Variants in CACHD1 observed in about 807,000 individuals in gnomAD.
CACHD1 encodes the protein cache domain containing 1, also known as VWFA and cache domain-containing protein 1.
CACHD1 carries 71 observed loss-of-function variants against 138.7 expected under a neutral mutation model. The ratio of observed to expected loss-of-function variants is 0.51; its 90% CI spans 0.42 to 0.62. The LOEUF (loss-of-function observed/expected upper bound fraction) is 0.62. CACHD1 is among the 20% of genes least tolerant of loss of function. CACHD1 has a pLI of 0.00. For synonymous variants in CACHD1, 578 were observed against 591.5 expected, an observed-to-expected ratio of 0.98 and a Z score of 0.33; for missense variants, 1,389 against 1,625.3, an observed-to-expected ratio of 0.85 and a Z score of 2.50.
At chr1:64,682,156 C>A (rs1361736933) in intron 26 of CACHD1, 50 bp downstream of exon 26, 1 of 1,501,578 alleles carries the variant, frequency 6.7e-7, no homozygotes, top group African/African-American at 1.4e-5. Flanking sequence ...TCATGTACTC[C>A]TGTGGGATGA....
intron 24 of CACHD1, 97 bp downstream of exon 24, chr1:64,679,853 A>G (rs1026539966): frequency 3.0e-6 from 4 of 1,354,938 alleles, no homozygotes; most frequent in Middle Eastern, 2.7e-4. Flanking sequence ...GAACAGTGCT[A>G]TACTTTCAGC....
intron 4 of CACHD1, among the ~76,000 whole-genome samples, chr1:64,620,653 A>G (rs1647879631): frequency 1.3e-5 from 2 of 152,152 alleles, no homozygotes; most frequent in South Asian, 4.1e-4. Context: ...ACTCATCATG[A>G]TTTCCAAATC....
intron 3 of CACHD1, among the ~76,000 whole-genome samples, chr1:64,585,104 GATTA>G (rs1272666854): frequency 1.3e-5 from 2 of 152,204 alleles, no homozygotes; most frequent in Admixed American, 6.5e-5. Flanking sequence ...AGCAATAGAG[GATTA>G]GTTAGGAAAA....
At chr1:64,480,330 C>T (rs1364122166) in intron 1 of CACHD1, among the ~76,000 whole-genome samples, 2 of 152,172 alleles carry the variant, frequency 1.3e-5, no homozygotes, top group African/African-American at 4.8e-5. Flanking sequence ...GTTTTAGACT[C>T]TTGTTTTTTG....
chr1:64,685,953 C>T (rs140989159), intron 26 of CACHD1, among the ~76,000 whole-genome samples: 5 of 152,208 alleles, frequency 3.3e-5, no homozygotes, highest in African/African-American at 1.2e-4. Flanking sequence ...CCTCTGTGCC[C>T]ACCCTGCCCT....
At chr1:64,682,477 C>G (rs903235609) in intron 26 of CACHD1, among the ~76,000 whole-genome samples, 17 of 152,154 alleles carry the variant, frequency 1.1e-4, no homozygotes, top group African/African-American at 4.1e-4. Context: ...GTGCTGTCCT[C>G]CAGCATTCTC....
intron 1 of CACHD1, among the ~76,000 whole-genome samples, chr1:64,480,886 C>CTTTTTTTTTTT (rs530847374): frequency 4.3e-5 from 6 of 140,588 alleles, no homozygotes; most frequent in African/African-American, 1.6e-4. Flanking sequence ...CTCTCTCTCC[C>CTTTTTTTTTTT]TTTTTTTTTT....
intron 7 of CACHD1, among the ~76,000 whole-genome samples, chr1:64,636,202 C>T (rs1166009504): frequency 6.6e-6 from 1 of 152,108 alleles, no homozygotes; most frequent in Admixed American, 6.5e-5. Flanking sequence ...CATTTCCAAG[C>T]CCTTCATTGT....
chr1:64,476,766 T>C (rs1185675194), intron 1 of CACHD1, among the ~76,000 whole-genome samples: 4 of 152,206 alleles, frequency 2.6e-5, no homozygotes, highest in Non-Finnish European at 5.9e-5. Context: ...ATTATGTTTT[T>C]CCTGCCAATA....
chr1:64,561,247 A>G (rs561876545), intron 2 of CACHD1, among the ~76,000 whole-genome samples: 1 of 151,952 alleles, frequency 6.6e-6, no homozygotes, highest in African/African-American at 2.4e-5. Flanking sequence ...TTCACACAAA[A>G]TCTAAAACCC....
At chr1:64,555,829 T>A (rs967591690) in intron 2 of CACHD1, among the ~76,000 whole-genome samples, 4 of 152,236 alleles carry the variant, frequency 2.6e-5, no homozygotes, top group African/African-American at 9.6e-5. Flanking sequence ...TTCCCCCATA[T>A]GTGTTTTCAA....
chr1:64,641,057 G>C (rs1648696589), intron 7 of CACHD1, among the ~76,000 whole-genome samples: 1 of 151,898 alleles, frequency 6.6e-6, no homozygotes, highest in African/African-American at 2.4e-5. Flanking sequence ...GTGTGTTGTA[G>C]TTTCTTTTTT....
At chr1:64,666,651 C>T (rs1304748900) in intron 16 of CACHD1, among the ~76,000 whole-genome samples, 3 of 151,738 alleles carry the variant, frequency 2.0e-5, no homozygotes, top group Admixed American at 1.3e-4. Flanking sequence ...CTGAGATGGG[C>T]GGATCACTTG....
chr1:64,576,127 G>A (rs1344952232), intron 2 of CACHD1, among the ~76,000 whole-genome samples: 1 of 152,158 alleles, frequency 6.6e-6, no homozygotes, highest in African/African-American at 2.4e-5. Flanking sequence ...TAGTCCTGTT[G>A]TCTCATCCGT....
At chr1:64,477,242 GT>G (rs1201528444) in intron 1 of CACHD1, among the ~76,000 whole-genome samples, 1 of 152,178 alleles carries the variant, frequency 6.6e-6, no homozygotes, top group African/African-American at 2.4e-5. Flanking sequence ...AACCGGGAAG[GT>G]GGTAAACATG....
chr1:64,550,259 G>A (rs1646748664), intron 1 of CACHD1, among the ~76,000 whole-genome samples: 1 of 152,154 alleles, frequency 6.6e-6, no homozygotes, highest in Non-Finnish European at 1.5e-5. Flanking sequence ...AGCATTCAGG[G>A]AGCGCAGGAT....
chr1:64,476,638 A>G (rs980405069), intron 1 of CACHD1, among the ~76,000 whole-genome samples: 11 of 152,324 alleles, frequency 7.2e-5, no homozygotes, highest in African/African-American at 2.6e-4. Context: ...CTTGTCAGGA[A>G]TGAGCCCAAG....
At chr1:64,600,035 A>G (rs1316870685) in intron 3 of CACHD1, among the ~76,000 whole-genome samples, 1 of 152,110 alleles carries the variant, frequency 6.6e-6, no homozygotes, top group African/African-American at 2.4e-5. Flanking sequence ...GATGGGTTTA[A>G]GTCTCTCTTA....
intron 2 of CACHD1, among the ~76,000 whole-genome samples, chr1:64,578,114 T>G (rs1231048347): frequency 1.3e-5 from 2 of 152,254 alleles, no homozygotes; most frequent in Non-Finnish European, 2.9e-5. Context: ...ATTTGTCATA[T>G]TTTAATATTT....
Sources: gnomAD v4.1 joint callset for allele counts (sites outside exome capture counted in the v4.1 genomes callset) on GRCh38, gnomAD v4.1.1 for gene constraint, MANE v1.5 for transcripts, NCBI Gene and HGNC (gene_info 2026-07-23, HGNC 2026-07-21) for gene names.